Variants in TRIO observed in about 807,000 individuals in gnomAD.
TRIO encodes the protein triple functional domain protein.
A neutral mutation model predicts 351.9 loss-of-function variants in TRIO; 58 were observed. That is an observed-to-expected ratio of 0.16 (90% CI 0.13 to 0.21). TRIO has a LOEUF of 0.21. Among genes scored for constraint, TRIO ranks in the 10% least tolerant of loss-of-function variants. The probability of loss-of-function intolerance (pLI) is 1.00; values close to 1 mark genes in which losing one functional copy is unlikely to be tolerated. For synonymous variants in TRIO, 1,758 were observed against 1,595.7 expected (o/e 1.10, Z -2.42); for missense variants, 3,201 against 4,027.8 (o/e 0.79, Z 5.56).
At chr5:14,432,278 A>G (rs913134355) in intron 34 of TRIO, among the ~76,000 whole-genome samples, 1 of 137,560 alleles carries the variant, frequency 7.3e-6, no homozygotes, top group African/African-American at 2.5e-5. Flanking sequence ...ACGTAAAGTG[A>G]GATTTTCAAA....
At chr5:14,399,113 A>G in intron 30 of TRIO, 43 bp downstream of exon 30, 4 of 1,554,432 alleles carry the variant, frequency 2.6e-6, no homozygotes, top group Non-Finnish European at 3.6e-6. Context: ...AGGTAACACA[A>G]TTGCAGTCTT....
At chr5:14,159,537 A>T (rs1186400051) in intron 1 of TRIO, among the ~76,000 whole-genome samples, 1 of 150,878 alleles carries the variant, frequency 6.6e-6, no homozygotes, top group Non-Finnish European at 1.5e-5. Context: ...AATCGGTGTC[A>T]TTGTTTTTCT....
intron 34 of TRIO, among the ~76,000 whole-genome samples, chr5:14,445,818 A>C (rs898710411): frequency 6.6e-6 from 1 of 152,244 alleles, no homozygotes; most frequent in South Asian, 2.1e-4. Context: ...GAACTCTTCC[A>C]TAATAAAAAG....
intron 2 of TRIO, 140 bp from the exon 3 acceptor site, chr5:14,280,182 C>T: frequency 2.8e-6 from 2 of 712,350 alleles, no homozygotes; most frequent in South Asian, 3.6e-5. Context: ...CCTCACTGTG[C>T]CTCAGCTGAA....
At chr5:14,228,997 A>G (rs190105522) in intron 1 of TRIO, among the ~76,000 whole-genome samples, 59 of 152,370 alleles carry the variant, frequency 3.9e-4, no homozygotes, top group African/African-American at 1.4e-3. Flanking sequence ...AATGAAAGAG[A>G]CTAAAATTTA....
chr5:14,250,473 G>A (rs934874488), intron 1 of TRIO, among the ~76,000 whole-genome samples: 4 of 152,220 alleles, frequency 2.6e-5, no homozygotes, highest in African/African-American at 9.6e-5. Context: ...GTAGCCTCTT[G>A]TACAGCGCTA....
At position 14,507,203 on chromosome 5, in the gene TRIO, G is replaced by C; in HGVS notation, c.8694G>C (p.Glu2898Asp). The change falls in exon 56 of 57, where the codon GAG (glutamate) becomes GAC (aspartate). Residue 2898 changes from glutamate (E) to aspartate (D), a missense_variant. Transcript: ENST00000344204. Reference sequence around the variant, plus strand: ...GGAAGATCAGGGCGCACCTGGGGGAGGTTCTGGAAGCTGTCCGGTACCTGC... The same window carrying C: ...GGAAGATCAGGGCGCACCTGGGGGACGTTCTGGAAGCTGTCCGGTACCTGC... ...TEGKIRAHLG[E>D]VLEAVRYLHN... The C allele has an allele frequency of 1.9e-6, 3 of 1,612,106 alleles. No individual in the cohort carries two copies. The South Asian group carries it at 3.3e-5, about 18-fold the overall frequency.
At chr5:14,328,262 C>G (rs569123924) in intron 9 of TRIO, among the ~76,000 whole-genome samples, 1 of 152,162 alleles carries the variant, frequency 6.6e-6, no homozygotes, top group South Asian at 2.1e-4. Flanking sequence ...CAAGTTAAAA[C>G]AATGCACTAC....
chr5:14,151,386 T>TTG lies in TRIO; in HGVS notation c.157+7526_157+7527dup, dbSNP rs34382232. ...TTTTTCATTGTGTGTGTGTGTGTGT[T>TTG]TGTGTGTGTGTGTGTGTGTGTGTAT... On this transcript the variant is annotated intron_variant, in intron 1 of 56. Coordinates refer to ENST00000344204, the MANE Select transcript of TRIO (RefSeq NM_007118.4). Among the ~76,000 whole-genome samples, 202 of 148,762 alleles carry TTG rather than the reference T, an allele frequency of 1.4e-3. 1 individual carries two copies. The Middle Eastern group carries it at 0.014, about 10-fold the overall frequency.
At chr5:14,499,848 G>T (rs971883004) in intron 53 of TRIO, among the ~76,000 whole-genome samples, 3 of 151,882 alleles carry the variant, frequency 2.0e-5, no homozygotes, top group Non-Finnish European at 4.4e-5. Context: ...TCAGGAGATC[G>T]AGACCATCGT....
intron 34 of TRIO, among the ~76,000 whole-genome samples, chr5:14,432,042 G>C (rs1751195252): frequency 6.6e-6 from 1 of 152,114 alleles, no homozygotes; most frequent in Non-Finnish European, 1.5e-5. Flanking sequence ...GGATTTTAGG[G>C]GGACACACTT....
At chr5:14,314,706 C>G (rs1421826202) in intron 8 of TRIO, among the ~76,000 whole-genome samples, 17 of 152,130 alleles carry the variant, frequency 1.1e-4, no homozygotes, top group Non-Finnish European at 1.3e-4. Flanking sequence ...TTCAGAGTAC[C>G]CTGCTTCTCT....
intron 18 of TRIO, among the ~76,000 whole-genome samples, chr5:14,371,982 A>G (rs995562457): frequency 6.6e-6 from 1 of 152,076 alleles, no homozygotes; most frequent in Non-Finnish European, 1.5e-5. Flanking sequence ...TAAAATTCAA[A>G]CAGGGTCCAC....
chr5:14,480,193 C>G (rs1393707748), intron 43 of TRIO, among the ~76,000 whole-genome samples, 182 bp downstream of exon 43: 4 of 151,716 alleles, frequency 2.6e-5, no homozygotes, highest in Non-Finnish European at 5.9e-5. Flanking sequence ...GGTGGCGGGA[C>G]AGACTCTGGT....
Position 14,277,349 on chromosome 5 carries a change from T to G in TRIO, c.233-2973T>G, listed in dbSNP as rs537321259. ...AAACTGGTTTGTTTTTGTTTTTGTT[T>G]TTTGCTTTTTGACTAAGGCAGCATT... On this transcript the variant is annotated intron_variant, in intron 2 of 56. Coordinates refer to ENST00000344204, the MANE Select transcript of TRIO (RefSeq NM_007118.4). 7.2e-5 allele frequency among the ~76,000 whole-genome samples: 11 copies of G among 152,338 alleles called. No individual in the cohort carries two copies. In the South Asian group the frequency reaches 2.3e-3, roughly 32 times the overall value.
intron 31 of TRIO, among the ~76,000 whole-genome samples, chr5:14,401,876 C>G (rs1157972582): frequency 1.3e-5 from 2 of 152,110 alleles, no homozygotes; most frequent in East Asian, 3.9e-4. Context: ...TGTAATGGGA[C>G]TCTGGTGTAT....
intron 1 of TRIO, among the ~76,000 whole-genome samples, chr5:14,145,519 G>A (rs1458304471): frequency 1.4e-5 from 2 of 147,866 alleles, no homozygotes; most frequent in African/African-American, 5.0e-5. Flanking sequence ...TTTTTTTGGT[G>A]CGACTGGCCA....
rs188784359 is a variant in TRIO, at chr5:14,285,940, C to T, written c.348-931C>T. Among the ~76,000 whole-genome samples, 46 of 152,312 alleles carry T rather than the reference C, an allele frequency of 3.0e-4. No individual in the cohort carries two copies. The East Asian group carries it at 8.7e-3, about 29-fold the overall frequency. On this transcript the variant is annotated intron_variant, in intron 3 of 56. Transcript: ENST00000344204. ...TAGGGCCATTCGGAAGCTTCTATCA[C>T]TGAAGTTGTAACCAAGTGCGACTAA...
chr5:14,483,224 C>T (rs1173554041), intron 46 of TRIO, among the ~76,000 whole-genome samples: 2 of 152,296 alleles, frequency 1.3e-5, no homozygotes, highest in East Asian at 3.9e-4. Context: ...CCCTCCCTGC[C>T]CTGATGTAGC....
Sources: gnomAD v4.1 joint callset for allele counts (sites outside exome capture counted in the v4.1 genomes callset) on GRCh38, gnomAD v4.1.1 for gene constraint, MANE v1.5 for transcripts, NCBI Gene and HGNC (gene_info 2026-07-23, HGNC 2026-07-21) for gene names.